The following ADIPOR1 variants were observed in gnomAD, a reference collection of about 807,000 sequenced individuals.
The protein encoded by ADIPOR1 is adiponectin receptor 1.
Under a neutral mutation model 37.5 loss-of-function variants are expected in ADIPOR1, and 15 were observed. That is an observed-to-expected ratio of 0.40 (90% confidence interval 0.27 to 0.62). The LOEUF (loss-of-function observed/expected upper bound fraction) is 0.62, where lower values mean the gene tolerates loss of function less well. ADIPOR1 is among the 20% of genes least tolerant of loss of function. The pLI, the probability that ADIPOR1 is intolerant of heterozygous loss-of-function variation, is 0.42. For synonymous variants in ADIPOR1, 173 were observed against 173.2 expected (o/e 1.00, Z 0.01); for missense variants, 286 against 478.0 (o/e 0.60, Z 3.75).
Position 202,946,457 on chromosome 1 carries a change from T to C in ADIPOR1, c.412A>G (p.Ile138Val), listed in dbSNP as rs1654322430. Residue 138 changes from isoleucine to valine, a missense_variant, in exon 4 of 8, where the codon ATC (isoleucine) becomes GTC (valine). By Grantham distance (29) the Ile-to-Val change is conservative. Coordinates refer to ENST00000340990, the MANE Select transcript of ADIPOR1 (RefSeq NM_015999.6). Reference protein sequence around the residue: ...IFRIHTETGNIWTHLLGFVLF... With the variant: ...IFRIHTETGNVWTHLLGFVLF... The stretch of plus-strand genomic sequence containing the variant: ...CACTCACCAAGCAGATGGGTCCAGA[T>C]GTTGCCAGTTTCTGTATGAATGCGG... The C allele has an allele frequency of 3.1e-6, 5 of 1,613,894 alleles. No individual in the cohort carries two copies. Among genetic ancestry groups the C allele is most frequent in the Non-Finnish European group, 4.2e-6 (5 of 1,180,028 alleles).
intron 5 of ADIPOR1, 65 bp from the exon 6 acceptor site, chr1:202,944,010 T>C: frequency 7.0e-7 from 1 of 1,424,978 alleles, no homozygotes; most frequent in Non-Finnish European, 9.6e-7. Flanking sequence ...CTCATTTAAC[T>C]AGCTCTTTCT....
At chr1:202,942,901 T>C (rs906555551) in intron 6 of ADIPOR1, among the ~76,000 whole-genome samples, 8 of 151,588 alleles carry the variant, frequency 5.3e-5, no homozygotes, top group Non-Finnish European at 1.2e-4. Context: ...AGTCTTGCTT[T>C]GTTGCCCAGG....
chr1:202,941,878 T>A (rs1291794941), intron 7 of ADIPOR1, 147 bp downstream of exon 7: 1 of 1,167,664 alleles, frequency 8.6e-7, no homozygotes, highest in East Asian at 2.5e-5. Flanking sequence ...TACACCAAAA[T>A]GTTAATATTG....
intron 1 of ADIPOR1, among the ~76,000 whole-genome samples, chr1:202,956,382 A>G (rs1654784841): frequency 6.6e-6 from 1 of 152,256 alleles, no homozygotes; most frequent in Non-Finnish European, 1.5e-5. Flanking sequence ...ACACTGGCCT[A>G]GAAAGAAGGG....
Position 202,941,466 on chromosome 1 carries a change from G to A in ADIPOR1, c.*107C>T. ...TTGGTTGGTACTGAATTCTCTAAGA[G>A]GTTTCTTCTAGAAACAGACAACTCA... On this transcript the variant is annotated 3_prime_UTR_variant, in exon 8 of 8. Coordinates refer to ENST00000340990, the MANE Select transcript of ADIPOR1 (RefSeq NM_015999.6). The A allele has an allele frequency of 7.2e-7, 1 of 1,385,238 alleles. No individual in the cohort carries two copies. The highest frequency in any genetic ancestry group is 9.7e-7 in the Non-Finnish European group (1 of 1,027,874). The allele number at this position is 1,385,238 out of a possible 1,614,324, so 85.8% of individuals were successfully genotyped here.
chr1:202,943,891 G>C lies in ADIPOR1; in HGVS notation c.672C>G (p.Leu224=). The C allele has an allele frequency of 6.2e-7, 1 of 1,614,098 alleles. No homozygotes were observed. The highest frequency in any genetic ancestry group is 1.1e-5 in the South Asian group (1 of 91,070). ...GTGGGGAGCAGTAGAAGGAATAATA[G>C]AGCCAGGGGACAAAGCTCCCCATAA... The part of the protein sequence containing the change: ...LLIMGSFVPW[L]YYSFYCSPQP... Residue 224 remains leucine (L), a synonymous_variant, in exon 6 of 8, where the codon CTC becomes CTG. Coordinates refer to ENST00000340990, the MANE Select transcript of ADIPOR1 (RefSeq NM_015999.6).
Position 202,942,195 on chromosome 1 carries a change from T to A in ADIPOR1, c.829A>T (p.Ser277Cys), listed in dbSNP as rs1446179241. The A allele has an allele frequency of 6.2e-7, 1 of 1,613,824 alleles. No homozygotes were observed. Among genetic ancestry groups the A allele is most frequent in the African/African-American group, 1.3e-5 (1 of 74,882 alleles). ...RAGVFLGLGL[S>C]GVVPTMHFTI... The stretch of plus-strand genomic sequence containing the variant: ...AAGTGCATGGTGGGCACGACGCCAC[T>A]CAAGCCAAGTCCCAGGAACACGCCT... Residue 277 changes from serine (S) to cysteine (C), a missense_variant, in exon 7 of 8, where the codon AGT becomes TGT. Ser to Cys is a moderately radical substitution (Grantham distance 112, BLOSUM62 -1). Coordinates refer to ENST00000340990, the MANE Select transcript of ADIPOR1 (RefSeq NM_015999.6).
rs190197260 is a variant in ADIPOR1 at position 202,956,303 on chromosome 1, G to T, written c.-95+1882C>A. Among the ~76,000 whole-genome samples the T allele has an allele frequency of 2.6e-5, 4 of 152,354 alleles. No homozygotes were observed. The East Asian group carries it at 7.7e-4, about 29-fold the overall frequency. On this transcript the variant is annotated intron_variant, in intron 1 of 7. Transcript: ENST00000340990. The stretch of plus-strand genomic sequence containing the variant: ...TGGGACAGGATAATGTAGCAGGAGT[G>T]TTAAAGGGTTTCAGTTTGGCTTTGT...
chr1:202,948,544 T>C lies in ADIPOR1; in HGVS notation c.142-124A>G, dbSNP rs1017070206. The C allele has an allele frequency of 5.6e-6, 4 of 718,634 alleles. No individual in the cohort carries two copies. In the African/African-American group the frequency reaches 7.1e-5, roughly 13 times the overall value. 44.5% of individuals were successfully genotyped at this position (718,634 alleles called of 1,614,324 possible). The stretch of plus-strand genomic sequence containing the variant: ...TGCCCAGCCTCTTTCCTACAGAGGG[T>C]CTTGTGGTCTCTTCTCCAAAAGCAT... On this transcript the variant is annotated intron_variant, in intron 2 of 7. Coordinates refer to ENST00000340990, the MANE Select transcript of ADIPOR1 (RefSeq NM_015999.6).
At chr1:202,949,360 C>T (rs544062515) in intron 2 of ADIPOR1, among the ~76,000 whole-genome samples, 2 of 151,126 alleles carry the variant, frequency 1.3e-5, no homozygotes, top group Non-Finnish European at 3.0e-5. Context: ...GCGGGCGGAT[C>T]ACGAGGTCAG....
chr1:202,944,048 A>G (rs1480874984), intron 5 of ADIPOR1, 103 bp from the exon 6 acceptor site: 3 of 1,072,780 alleles, frequency 2.8e-6, no homozygotes, highest in East Asian at 2.6e-5. Context: ...AGATTTAACC[A>G]TTCCCTCAAT....
chr1:202,942,666 T>C (rs1654143657), intron 6 of ADIPOR1, among the ~76,000 whole-genome samples: 1 of 152,068 alleles, frequency 6.6e-6, no homozygotes, highest in Non-Finnish European at 1.5e-5. Context: ...GATTAGCAGT[T>C]ATCCTGTAGC....
At position 202,941,490 on chromosome 1, in the gene ADIPOR1, C is replaced by G. The variant is rs1235039339; in HGVS notation, c.*83G>C. The G allele has an allele frequency of 2.0e-6, 3 of 1,504,018 alleles. No homozygotes were observed. The highest frequency in any genetic ancestry group is 1.4e-5 in the African/African-American group (1 of 70,960). The allele number at this position is 1,504,018 out of a possible 1,614,324, so 93.2% of individuals were successfully genotyped here. On this transcript the variant is annotated 3_prime_UTR_variant, in exon 8 of 8. Transcript: ENST00000340990. ...AGGTTTCTTCTAGAAACAGACAACT[C>G]AGACTCTTCCTCTCACTTCAGCAAA...
rs1654553806 is a variant in ADIPOR1 at position 202,950,947 on chromosome 1, T to C, written c.124A>G (p.Ile42Val). The C allele has an allele frequency of 6.2e-7, 1 of 1,614,056 alleles. No individual in the cohort carries two copies. Among genetic ancestry groups the C allele is most frequent in the Non-Finnish European group, 8.5e-7 (1 of 1,180,026 alleles). ...PLLEEKGKRV[I>V]ANPPKAEEEQ... ...TGACTTACTTTGGGTGGGTTGGCGA[T>C]TACCCGTTTGCCCTTCTCTTCTAGC... The change falls in exon 2 of 8, where the codon ATC (isoleucine) becomes GTC (valine). Residue 42 changes from isoleucine to valine, a missense_variant. Transcript: ENST00000340990.
At chr1:202,958,521 C>G (rs1025936987), upstream of ADIPOR1, 3 of 152,690 alleles carry the variant, frequency 2.0e-5, no homozygotes, top group Non-Finnish European at 4.4e-5. Context: ...GGGTAGAGGA[C>G]GTTCGTCGGA....
At chr1:202,945,924 C>G (rs577402987) in intron 4 of ADIPOR1, among the ~76,000 whole-genome samples, 31 of 151,736 alleles carry the variant, frequency 2.0e-4, no homozygotes, top group African/African-American at 6.8e-4. Flanking sequence ...ATGTACACTA[C>G]TAAGGTGATG....
At chr1:202,950,798 G>A in intron 2 of ADIPOR1, 132 bp downstream of exon 2, 1 of 1,259,540 alleles carries the variant, frequency 7.9e-7, no homozygotes, top group East Asian at 2.3e-5. Context: ...CAGTATCATA[G>A]GGACTTGGAT....
chr1:202,949,397 G>A (rs1320370600), intron 2 of ADIPOR1, among the ~76,000 whole-genome samples: 6 of 151,422 alleles, frequency 4.0e-5, no homozygotes, highest in Non-Finnish European at 7.4e-5. Context: ...TGGCTAACAC[G>A]GTGAAACCCT....
chr1:202,946,898 T>C (rs1041066949), intron 3 of ADIPOR1, among the ~76,000 whole-genome samples: 12 of 151,792 alleles, frequency 7.9e-5, no homozygotes, highest in Non-Finnish European at 1.5e-4. Context: ...GTGGATCACC[T>C]GAGGTCAGGA....
Sources: gnomAD v4.1 joint callset for allele counts (sites outside exome capture counted in the v4.1 genomes callset) on GRCh38, gnomAD v4.1.1 for gene constraint, MANE v1.5 for transcripts, NCBI Gene and HGNC (gene_info 2026-07-23, HGNC 2026-07-21) for gene names.